The following KSR2 variants were observed in gnomAD, a reference collection of about 807,000 sequenced individuals.
KSR2 encodes the protein kinase suppressor of ras 2.
In KSR2, 25 loss-of-function variants were observed where a neutral mutation model predicts 107.8. The ratio of observed to expected loss-of-function variants is 0.23; its 90% confidence interval spans 0.17 to 0.32. The LOEUF (loss-of-function observed/expected upper bound fraction) is 0.32, where lower values mean the gene tolerates loss of function less well. Ranked by LOEUF, KSR2 falls within the 10% of genes least tolerant of loss-of-function variation. The pLI, the probability that KSR2 is intolerant of heterozygous loss-of-function variation, is 1.00. For synonymous variants in KSR2, 480 were observed against 507.0 expected, an observed-to-expected ratio of 0.95 and a Z score of 0.71; for missense variants, 887 against 1,268.9, an observed-to-expected ratio of 0.70 and a Z score of 4.57.
intron 9 of KSR2, among the ~76,000 whole-genome samples, chr12:117,552,266 T>C (rs1877364073): frequency 6.6e-6 from 1 of 152,248 alleles, no homozygotes; most frequent in Non-Finnish European, 1.5e-5. Context: ...TGTTGATTAT[T>C]GAATTCCATC....
chr12:117,793,558 C>A (rs1661800633), intron 3 of KSR2, among the ~76,000 whole-genome samples: 1 of 151,034 alleles, frequency 6.6e-6, no homozygotes, highest in East Asian at 2.0e-4. Context: ...TGCACACTCA[C>A]ACCAACATGC....
At chr12:117,615,985 A>C (rs1471759051) in intron 5 of KSR2, among the ~76,000 whole-genome samples, 5 of 152,050 alleles carry the variant, frequency 3.3e-5, no homozygotes, top group Non-Finnish European at 5.9e-5. Context: ...AAACCCCACC[A>C]CTACAAAAAA....
intron 5 of KSR2, among the ~76,000 whole-genome samples, chr12:117,616,966 G>A (rs1881923015): frequency 6.6e-6 from 1 of 152,092 alleles, no homozygotes; most frequent in Admixed American, 6.6e-5. Context: ...TAGGAGCCCT[G>A]CATTAACCAG....
intron 1 of KSR2, among the ~76,000 whole-genome samples, chr12:117,909,889 CAG>C (rs1401894758): frequency 2.7e-5 from 4 of 148,810 alleles, no homozygotes. Context: ...GCCTAGGTGA[CAG>C]AGCAAGACTT....
chr12:117,659,580 C>T (rs1174115990), intron 5 of KSR2, among the ~76,000 whole-genome samples: 1 of 152,206 alleles, frequency 6.6e-6, no homozygotes, highest in Non-Finnish European at 1.5e-5. Context: ...CTGCAACCCT[C>T]TTGATATAAT....
chr12:117,656,124 G>A (rs987815002), intron 5 of KSR2, among the ~76,000 whole-genome samples: 20 of 152,326 alleles, frequency 1.3e-4, no homozygotes, highest in Non-Finnish European at 2.6e-4. Flanking sequence ...TAACTGTCAT[G>A]AGTATTTCCT....
intron 5 of KSR2, among the ~76,000 whole-genome samples, chr12:117,598,446 T>G (rs538767575): frequency 2.6e-5 from 4 of 152,334 alleles, no homozygotes; most frequent in Admixed American, 2.6e-4. Context: ...GCTATAAACA[T>G]GCATGTGTAA....
intron 16 of KSR2, among the ~76,000 whole-genome samples, chr12:117,482,125 C>T (rs1872208877): frequency 6.6e-6 from 1 of 152,032 alleles, no homozygotes; most frequent in African/African-American, 2.4e-5. Context: ...AGTTTGACTA[C>T]CCTGAGACTG....
At chr12:117,863,430 G>A (rs750486212) in intron 1 of KSR2, among the ~76,000 whole-genome samples, 2 of 152,298 alleles carry the variant, frequency 1.3e-5, no homozygotes, top group Non-Finnish European at 2.9e-5. Context: ...CCCATCATCT[G>A]AGCCCCAGCA....
intron 1 of KSR2, among the ~76,000 whole-genome samples, chr12:117,896,452 CACA>C (rs1310605754): frequency 1.3e-5 from 2 of 148,574 alleles, no homozygotes; most frequent in East Asian, 2.0e-4. Flanking sequence ...GGTGGTTTCG[CACA>C]ACATTTTTTT....
At chr12:117,858,852 G>A (rs973742842) in intron 2 of KSR2, among the ~76,000 whole-genome samples, 2 of 152,204 alleles carry the variant, frequency 1.3e-5, no homozygotes, top group Admixed American at 6.5e-5. Flanking sequence ...AGGTCATTGC[G>A]AGGAGGCTGA....
At chr12:117,848,773 A>ACAACGG (rs777343627) in intron 3 of KSR2, among the ~76,000 whole-genome samples, 45 of 132,372 alleles carry the variant, frequency 3.4e-4, no homozygotes, top group Admixed American at 2.6e-3. Context: ...GATGGTGGTA[A>ACAACGG]TGATGGTGGT....
At chr12:117,675,773 T>C (rs1885092234) in intron 4 of KSR2, among the ~76,000 whole-genome samples, 1 of 152,184 alleles carries the variant, frequency 6.6e-6, no homozygotes, top group South Asian at 2.1e-4. Flanking sequence ...TCTCATTAAC[T>C]GTGTCTGGAG....
At chr12:117,612,406 AAC>A (rs1268127865) in intron 5 of KSR2, among the ~76,000 whole-genome samples, 5 of 151,606 alleles carry the variant, frequency 3.3e-5, no homozygotes, top group Admixed American at 6.6e-5. Context: ...CCGTCTCAAA[AAC>A]AAAAAAAAGG....
At chr12:117,640,351 A>C (rs1419687674) in intron 5 of KSR2, among the ~76,000 whole-genome samples, 1 of 151,990 alleles carries the variant, frequency 6.6e-6, no homozygotes, top group African/African-American at 2.4e-5. Context: ...CCCAAGTTCA[A>C]GTGACTCTCC....
At chr12:117,504,564 A>G (rs1465934031) in intron 14 of KSR2, among the ~76,000 whole-genome samples, 1 of 152,160 alleles carries the variant, frequency 6.6e-6, no homozygotes, top group Non-Finnish European at 1.5e-5. Context: ...TGAAGTGTGG[A>G]GGGTGGAGAT....
intron 13 of KSR2, among the ~76,000 whole-genome samples, chr12:117,526,265 C>A (rs1875156769): frequency 6.6e-6 from 1 of 152,156 alleles, no homozygotes; most frequent in Admixed American, 6.5e-5. Flanking sequence ...AGGGACCCAC[C>A]TTATCAGCAT....
At position 117,860,368 on chromosome 12, in the gene KSR2, G is replaced by C. The variant is rs374159027; in HGVS notation, c.244C>G (p.Arg82Gly). Reference protein sequence around the residue: ...SCKKKVALQERNAELDGFPQL... With the variant: ...SCKKKVALQEGNAELDGFPQL... ...GGGAAGCCGTCCAGCTCCGCGTTGC[G>C]CTCCTGCAAGGCTACCTTCTTTTTG... The change falls in exon 2 of 20, where the codon CGC (arginine) becomes GGC (glycine). Residue 82 changes from arginine to glycine, a missense_variant. By Grantham distance (125) the Arg-to-Gly change is moderately radical. Coordinates refer to ENST00000339824, the MANE Select transcript of KSR2 (RefSeq NM_173598.6). 1.5e-5 allele frequency: 24 copies of C among 1,613,444 alleles called. No homozygotes were observed. Among genetic ancestry groups the C allele is most frequent in the Non-Finnish European group, 1.9e-5 (23 of 1,179,750 alleles).
intron 7 of KSR2, among the ~76,000 whole-genome samples, chr12:117,574,517 G>A (rs574821533): frequency 1.6e-4 from 25 of 152,210 alleles, no homozygotes; most frequent in African/African-American, 4.8e-4. Flanking sequence ...AAAATCAAGC[G>A]AAAGGGGTTT....
Sources: gnomAD v4.1 joint callset for allele counts (sites outside exome capture counted in the v4.1 genomes callset) on GRCh38, gnomAD v4.1.1 for gene constraint, MANE v1.5 for transcripts, NCBI Gene and HGNC (gene_info 2026-07-23, HGNC 2026-07-21) for gene names.